The following NUP98 variants were observed in gnomAD, a reference collection of about 807,000 sequenced individuals.
The protein encoded by NUP98 is nuclear pore complex protein Nup98-Nup96.
NUP98 carries 26 observed loss-of-function variants against 191.9 expected under a neutral mutation model. That is an observed-to-expected ratio of 0.14 (90% CI 0.10 to 0.19). The LOEUF (loss-of-function observed/expected upper bound fraction) is 0.19. Among genes scored for constraint, NUP98 ranks in the 10% least tolerant of loss-of-function variants. NUP98 has a pLI of 1.00. For synonymous variants in NUP98, 808 were observed against 778.4 expected (o/e 1.04, Z -0.63); for missense variants, 1,941 against 2,178.8 (o/e 0.89, Z 2.17).
At chr11:3,722,047 T>A (rs1484318275) in intron 16 of NUP98, among the ~76,000 whole-genome samples, 1 of 150,396 alleles carries the variant, frequency 6.6e-6, no homozygotes, top group Admixed American at 6.6e-5. Context: ...AGATATATAG[T>A]AGCATAATAA....
intron 10 of NUP98, among the ~76,000 whole-genome samples, chr11:3,757,130 T>C (rs1339679448): frequency 9.9e-6 from 1 of 100,616 alleles, no homozygotes; most frequent in Non-Finnish European, 1.9e-5. Context: ...TATATCTATA[T>C]CTATATGTGT....
Position 3,676,617 on chromosome 11 carries a change from C to A in NUP98, c.5077G>T (p.Asp1693Tyr). The A allele has an allele frequency of 6.2e-7, 1 of 1,612,380 alleles. No individual in the cohort carries two copies. The highest frequency in any genetic ancestry group is 1.3e-5 in the African/African-American group (1 of 75,002). The part of the protein sequence containing the change: ...IEMLRHIQQV[D>Y]CSGNDLEQLH... ...TGCTCCAGGTCATTACCTGAGCAATCCACCTACAAAGAAGCAGAGAAGCCA... is the reference window on the plus strand; with the variant it reads ...TGCTCCAGGTCATTACCTGAGCAATACACCTACAAAGAAGCAGAGAAGCCA... Residue 1693 changes from aspartate to tyrosine, a missense_variant, in exon 32 of 33, where the codon GAT becomes TAT. Asp to Tyr is a radical substitution (Grantham distance 160). Around this residue, in one of 6 missense-constraint regions of NUP98, gnomAD observed 1,030 missense variants for 1,115.8 expected, o/e 0.92. Coordinates refer to ENST00000324932, the MANE Select transcript of NUP98 (RefSeq NM_016320.5).
chr11:3,702,282 C>CTG (rs1564821047), intron 23 of NUP98, among the ~76,000 whole-genome samples, 181 bp downstream of exon 23: 4 of 61,200 alleles, frequency 6.5e-5, no homozygotes, highest in African/African-American at 1.9e-4. Context: ...AAAACTGAGA[C>CTG]ACACACACAC....
intron 29 of NUP98, among the ~76,000 whole-genome samples, chr11:3,685,361 T>A (rs1374279190): frequency 6.6e-6 from 1 of 152,210 alleles, no homozygotes; most frequent in Non-Finnish European, 1.5e-5. Context: ...TGACAAGGGA[T>A]GACCAGAGAA....
In NUP98 at chr11:3,711,697, A is replaced by T; in HGVS notation, c.2742+867T>A. ...CAAGTCTATAGCATTTCATTTGTCA[A>T]TGGAGATTTCTTAGGGGCATTCTAA... On this transcript the variant is annotated intron_variant, in intron 20 of 32. Coordinates refer to ENST00000324932, the MANE Select transcript of NUP98 (RefSeq NM_016320.5). The T allele has an allele frequency of 7.4e-6, 2 of 269,556 alleles. 1 individual carries two copies. The highest frequency in any genetic ancestry group is 3.0e-4 in the South Asian group (2 of 6,624). The allele number at this position is 269,556 out of a possible 1,614,324, so 16.7% of individuals were successfully genotyped here.
At chr11:3,738,107 A>AAAAAAAACAAAAAAAAACC (rs1554894745) in intron 12 of NUP98, among the ~76,000 whole-genome samples, 3 of 147,570 alleles carry the variant, frequency 2.0e-5, no homozygotes, top group South Asian at 2.1e-4. Flanking sequence ...AAAAAAAAAA[A>AAAAAAAACAAAAAAAAACC]CCAAAGACTT....
chr11:3,735,606 G>A (rs1005161718), intron 12 of NUP98, among the ~76,000 whole-genome samples: 1 of 151,918 alleles, frequency 6.6e-6, no homozygotes, highest in Non-Finnish European at 1.5e-5. Context: ...TCAAAGAAAG[G>A]AAAATTTAAA....
Position 3,682,932 on chromosome 11 carries a change from C to A in NUP98, c.4918+268G>T, listed in dbSNP as rs549711094. On this transcript the variant is annotated intron_variant, in intron 30 of 32. Coordinates refer to ENST00000324932, the MANE Select transcript of NUP98 (RefSeq NM_016320.5). ...ATTTCTGGTGTTGCTGGAGAAAATTCCCATAAGTAAACAAATTAAAATAAT... is the reference window on the plus strand; with the variant it reads ...ATTTCTGGTGTTGCTGGAGAAAATTACCATAAGTAAACAAATTAAAATAAT... 2.6e-5 allele frequency among the ~76,000 whole-genome samples: 4 copies of A among 152,236 alleles called. No individual in the cohort carries two copies. In the East Asian group the frequency reaches 7.7e-4, roughly 29 times the overall value.
chr11:3,723,067 C>G (rs183031056), intron 16 of NUP98, 90 bp downstream of exon 16: 4 of 1,222,340 alleles, frequency 3.3e-6, no homozygotes, highest in Admixed American at 2.0e-5. Context: ...AAATGCCAAA[C>G]AGCTGACTTC....
At chr11:3,708,835 G>A (rs1412839095) in intron 20 of NUP98, among the ~76,000 whole-genome samples, 2 of 152,076 alleles carry the variant, frequency 1.3e-5, no homozygotes. Flanking sequence ...AGCCAACGAG[G>A]ACACCATTTT....
chr11:3,733,286 G>C (rs1183725400), intron 13 of NUP98, among the ~76,000 whole-genome samples: 2 of 152,088 alleles, frequency 1.3e-5, no homozygotes, highest in Non-Finnish European at 2.9e-5. Context: ...GTGACTTTTT[G>C]TGTCTGGCTC....
At chr11:3,793,348 G>A (rs1015433573) in intron 1 of NUP98, among the ~76,000 whole-genome samples, 1 of 152,004 alleles carries the variant, frequency 6.6e-6, no homozygotes, top group African/African-American at 2.4e-5. Flanking sequence ...GAAGCACAGT[G>A]GTGCAATCTG....
chr11:3,749,738 TA>T (rs879403298), intron 11 of NUP98, among the ~76,000 whole-genome samples: 19 of 141,246 alleles, frequency 1.3e-4, no homozygotes, highest in Admixed American at 1.4e-4. Context: ...AAATGGCAAA[TA>T]AAAAAAAAAA....
chr11:3,772,374 T>C (rs967754521), intron 6 of NUP98, among the ~76,000 whole-genome samples: 2 of 152,232 alleles, frequency 1.3e-5, no homozygotes, highest in African/African-American at 2.4e-5. Flanking sequence ...AAAGTAAGCA[T>C]AGTTTGGTAT....
Position 3,763,007 on chromosome 11 carries a change from A to T in NUP98, c.981T>A (p.Pro327=). 6.2e-7 allele frequency: 1 copy of T among 1,614,134 alleles called. No individual in the cohort carries two copies. The highest frequency in any genetic ancestry group is 8.5e-7 in the Non-Finnish European group (1 of 1,180,016). Residue 327 remains proline (P), a synonymous_variant, in exon 9 of 33, where the codon CCT becomes CCA. Transcript: ENST00000324932. ...TTGTAGCTGTCCCAAAAAGACCTCC[A>T]GGCTGTGAGGCTTGGGTTACTCCAA... ...GLFGVTQASQ[P]GGLFGTATNT... is the part of the protein sequence containing the mutation.
intron 4 of NUP98, among the ~76,000 whole-genome samples, chr11:3,777,652 A>T (rs913469067): frequency 6.6e-6 from 1 of 151,462 alleles, no homozygotes; most frequent in African/African-American, 2.4e-5. Flanking sequence ...GAAGTTATAC[A>T]TATGGTGCCA....
At chr11:3,795,850 G>T (rs561759584) in intron 1 of NUP98, among the ~76,000 whole-genome samples, 1 of 152,246 alleles carries the variant, frequency 6.6e-6, no homozygotes, top group East Asian at 1.9e-4. Context: ...TTTAGACTAC[G>T]GTTCTCTTCT....
chr11:3,701,305 G>A (rs2078670684), intron 23 of NUP98, among the ~76,000 whole-genome samples: 1 of 143,918 alleles, frequency 6.9e-6, no homozygotes, highest in South Asian at 2.2e-4. Context: ...TGTCGCTGAG[G>A]TTGGAATGCA....
intron 21 of NUP98, 76 bp downstream of exon 21, chr11:3,706,369 G>T: frequency 7.3e-7 from 1 of 1,363,712 alleles, no homozygotes; most frequent in Non-Finnish European, 1.0e-6. Context: ...AACCAAGGAA[G>T]AGACCTGATC....
Sources: allele counts gnomAD v4.1 joint callset (sites outside exome capture counted in the v4.1 genomes callset), GRCh38; gene constraint gnomAD v4.1.1; regional missense constraint gnomAD v4.1.1; transcripts MANE v1.5; gene names NCBI Gene and HGNC (gene_info 2026-07-23, HGNC 2026-07-21).